SLC10A1: variants seen among roughly 807,000 people sequenced by gnomAD.
The protein encoded by SLC10A1 is solute carrier family 10 member 1, also known as hepatic sodium/bile acid cotransporter.
Under a neutral mutation model 20.5 loss-of-function variants are expected in SLC10A1, and 36 were observed. That is an observed-to-expected ratio of 1.75 (90% CI 1.34 to 2.32). The LOEUF (loss-of-function observed/expected upper bound fraction) is 2.32. Ranked by LOEUF, SLC10A1 falls within the 30% of genes most tolerant of loss-of-function variation. SLC10A1 has a pLI of 0.00. For synonymous variants in SLC10A1, 188 were observed against 163.6 expected, an observed-to-expected ratio of 1.15 and a Z score of -1.14; for missense variants, 545 against 439.1, an observed-to-expected ratio of 1.24 and a Z score of -2.16.
chr14:69,793,667 G>A (rs1882326926), intron 1 of SLC10A1, among the ~76,000 whole-genome samples: 1 of 152,190 alleles, frequency 6.6e-6, no homozygotes, highest in Non-Finnish European at 1.5e-5. Context: ...ACCTGTGGAA[G>A]TGCTTGGGTT....
chr14:69,785,644 G>A (rs796731329), intron 2 of SLC10A1, among the ~76,000 whole-genome samples: 18 of 149,366 alleles, frequency 1.2e-4, no homozygotes, highest in African/African-American at 3.9e-4. Flanking sequence ...TGGCCCAGGC[G>A]GGAGTGCAGT....
chr14:69,782,779 A>C (rs1006790413), intron 2 of SLC10A1, among the ~76,000 whole-genome samples: 4 of 150,274 alleles, frequency 2.7e-5, no homozygotes, highest in Non-Finnish European at 5.9e-5. Context: ...CTGCACTCCA[A>C]CCTGGGCGAC....
chr14:69,789,403 C>A (rs904159254), intron 1 of SLC10A1, among the ~76,000 whole-genome samples: 4 of 152,180 alleles, frequency 2.6e-5, no homozygotes, highest in Admixed American at 1.3e-4. Flanking sequence ...TTGTGACATG[C>A]TATCACATGA....
chr14:69,787,162 T>C (rs1257259939), intron 1 of SLC10A1, among the ~76,000 whole-genome samples: 1 of 151,336 alleles, frequency 6.6e-6, no homozygotes, highest in Non-Finnish European at 1.5e-5. Flanking sequence ...CTTTACTTTC[T>C]GGTTCCTCTT....
At chr14:69,795,088 GA>G (rs2139723632) in intron 1 of SLC10A1, among the ~76,000 whole-genome samples, 1 of 152,286 alleles carries the variant, frequency 6.6e-6, no homozygotes, top group African/African-American at 2.4e-5. Flanking sequence ...CCAAAATTCA[GA>G]TATACTCTAG....
At chr14:69,778,039 T>G (rs1258632407) in intron 4 of SLC10A1, among the ~76,000 whole-genome samples, 1 of 152,130 alleles carries the variant, frequency 6.6e-6, no homozygotes, top group Non-Finnish European at 1.5e-5. Flanking sequence ...AAGGCAGTTT[T>G]GTCCTATGAT....
At chr14:69,783,655 C>A (rs1259877997) in intron 2 of SLC10A1, among the ~76,000 whole-genome samples, 1 of 152,106 alleles carries the variant, frequency 6.6e-6, no homozygotes, top group African/African-American at 2.4e-5. Context: ...GGGAAGGAGT[C>A]AATGAGAGGC....
intron 2 of SLC10A1, among the ~76,000 whole-genome samples, chr14:69,784,088 T>C (rs1883658584): frequency 1.3e-5 from 2 of 152,190 alleles, no homozygotes; most frequent in Non-Finnish European, 2.9e-5. Flanking sequence ...GGTTTGCAGA[T>C]GGTAATTGCA....
intron 2 of SLC10A1, among the ~76,000 whole-genome samples, chr14:69,782,664 C>T (rs1167813508): frequency 2.0e-5 from 3 of 151,996 alleles, no homozygotes; most frequent in Non-Finnish European, 4.4e-5. Context: ...AAAAATTATC[C>T]GGGTATGGTG....
intron 4 of SLC10A1, among the ~76,000 whole-genome samples, chr14:69,776,899 C>G (rs1883460315): frequency 6.6e-6 from 1 of 152,186 alleles, no homozygotes; most frequent in Non-Finnish European, 1.5e-5. Context: ...GTTCTCCCAT[C>G]AGGTGCAGGA....
At chr14:69,779,471 G>C (rs1883537749) in intron 2 of SLC10A1, 111 bp from the exon 3 acceptor site, 1 of 744,406 alleles carries the variant, frequency 1.3e-6, no homozygotes, top group Non-Finnish European at 2.1e-6. Context: ...TAAAACACTG[G>C]AAGTGGAAAG....
intron 1 of SLC10A1, among the ~76,000 whole-genome samples, 173 bp from the exon 2 acceptor site, chr14:69,786,480 C>G (rs55828501): frequency 5.9e-5 from 9 of 152,196 alleles, no homozygotes; most frequent in Admixed American, 2.6e-4. Context: ...GACAAGGAAG[C>G]TGGGGACTAG....
intron 1 of SLC10A1, among the ~76,000 whole-genome samples, chr14:69,794,939 G>A (rs1247362576): frequency 6.6e-6 from 1 of 152,198 alleles, no homozygotes. Context: ...GTGGCCACTG[G>A]CGATGGGGCT....
Position 69,776,306 on chromosome 14 carries a change from C to G in SLC10A1, c.1026G>C (p.Glu342Asp), listed in dbSNP as rs769854391. The change falls in exon 5 of 5, where the codon GAG (glutamate) becomes GAC (aspartate). Residue 342 changes from glutamate to aspartate, a missense_variant. By Grantham distance (45) the Glu-to-Asp change is conservative. Coordinates refer to ENST00000216540, the MANE Select transcript of SLC10A1 (RefSeq NM_003049.4). The stretch of plus-strand genomic sequence containing the variant: ...GCTAGGCTGTGCAAGGGGAGCAGTC[C>G]TCCCCTTTGTAGGTGCCATTTCCCA... ...GALGNGTYKG[E>D]DCSPCTA 3.7e-6 allele frequency: 6 copies of G among 1,613,404 alleles called. No homozygotes were observed. Among genetic ancestry groups the G allele is most frequent in the African/African-American group, 1.3e-5 (1 of 75,038 alleles).
intron 1 of SLC10A1, among the ~76,000 whole-genome samples, chr14:69,794,735 T>A (rs1160353788): frequency 6.6e-6 from 1 of 152,158 alleles, no homozygotes; most frequent in African/African-American, 2.4e-5. Flanking sequence ...GGAAGGAGTT[T>A]TATGGCAGAA....
chr14:69,787,033 T>TG (rs1883733834), intron 1 of SLC10A1, among the ~76,000 whole-genome samples: 1 of 152,130 alleles, frequency 6.6e-6, no homozygotes, highest in South Asian at 2.1e-4. Context: ...GCCATAATGG[T>TG]GGGGTAGTAG....
chr14:69,776,553 C>T (rs759178817), intron 4 of SLC10A1, among the ~76,000 whole-genome samples, 165 bp from the exon 5 acceptor site: 16 of 152,224 alleles, frequency 1.1e-4, no homozygotes, highest in Non-Finnish European at 1.9e-4. Flanking sequence ...TTTAAACTCA[C>T]TTTCCCCTCA....
At chr14:69,782,033 C>T (rs1429981139) in intron 2 of SLC10A1, among the ~76,000 whole-genome samples, 2 of 152,174 alleles carry the variant, frequency 1.3e-5, no homozygotes, top group Non-Finnish European at 2.9e-5. Context: ...ATTTATGGGA[C>T]AGGGTGACGA....
At chr14:69,784,520 C>G (rs1046733021) in intron 2 of SLC10A1, among the ~76,000 whole-genome samples, 6 of 151,674 alleles carry the variant, frequency 4.0e-5, no homozygotes, top group Non-Finnish European at 8.8e-5. Context: ...AAGCGATTGA[C>G]AGAGAGAGAG....
Sources: gnomAD v4.1 joint callset for allele counts (sites outside exome capture counted in the v4.1 genomes callset) on GRCh38, gnomAD v4.1.1 for gene constraint, MANE v1.5 for transcripts, NCBI Gene and HGNC (gene_info 2026-07-23, HGNC 2026-07-21) for gene names.